RNF180: variants seen among roughly 807,000 people sequenced by gnomAD.
RNF180 encodes the protein ring finger protein 180.
A neutral mutation model predicts 59.2 loss-of-function variants in RNF180; 38 were observed. The ratio of observed to expected loss-of-function variants is 0.64; its 90% CI spans 0.50 to 0.84. RNF180 has a LOEUF of 0.84. RNF180 is among the 40% of genes least tolerant of loss of function. The pLI is 0.00. For missense variants in RNF180, 705 were observed against 700.9 expected, an observed-to-expected ratio of 1.01 and a Z score of -0.07; for synonymous variants, 262 against 240.3, an observed-to-expected ratio of 1.09 and a Z score of -0.84.
chr5:64,314,477 GTGC>G (rs1408290826), intron 5 of RNF180, among the ~76,000 whole-genome samples: 1 of 152,026 alleles, frequency 6.6e-6, no homozygotes, highest in Non-Finnish European at 1.5e-5. Context: ...TAGATGTCTA[GTGC>G]TCAAATCTTT....
At chr5:64,187,750 A>G (rs1054198217) in intron 1 of RNF180, among the ~76,000 whole-genome samples, 5 of 152,216 alleles carry the variant, frequency 3.3e-5, no homozygotes, top group African/African-American at 1.2e-4. Flanking sequence ...TAATACAGGT[A>G]CTTGAAATAT....
intron 5 of RNF180, among the ~76,000 whole-genome samples, chr5:64,283,176 G>C (rs1022145522): frequency 6.6e-6 from 1 of 152,168 alleles, no homozygotes; most frequent in Non-Finnish European, 1.5e-5. Context: ...GAATCTGGGT[G>C]CTCCAGTATT....
chr5:64,365,084 A>G (rs576997515), intron 7 of RNF180, among the ~76,000 whole-genome samples: 1 of 149,256 alleles, frequency 6.7e-6, no homozygotes, highest in African/African-American at 2.4e-5. Flanking sequence ...GATATTGATT[A>G]TTTCTTGTCT....
chr5:64,216,558 A>G (rs1460643290), intron 4 of RNF180, among the ~76,000 whole-genome samples: 1 of 152,226 alleles, frequency 6.6e-6, no homozygotes, highest in African/African-American at 2.4e-5. Flanking sequence ...TGGATTTCCA[A>G]CTTTCACTTG....
chr5:64,318,199 TAAC>T (rs1744165013), intron 5 of RNF180, among the ~76,000 whole-genome samples: 1 of 152,164 alleles, frequency 6.6e-6, no homozygotes, highest in African/African-American at 2.4e-5. Flanking sequence ...AGTAAGAGAT[TAAC>T]AATAAAAAAT....
chr5:64,316,966 T>C (rs758214364), intron 5 of RNF180, among the ~76,000 whole-genome samples: 10 of 152,168 alleles, frequency 6.6e-5, no homozygotes, highest in African/African-American at 9.7e-5. Context: ...GACCCAGATA[T>C]ATGAAAAGTC....
At chr5:64,321,760 AACTAT>A (rs1212681685) in intron 5 of RNF180, among the ~76,000 whole-genome samples, 3 of 152,242 alleles carry the variant, frequency 2.0e-5, no homozygotes, top group East Asian at 1.9e-4. Flanking sequence ...CTTGACTTCA[AACTAT>A]ACTACAAGGC....
chr5:64,188,457 T>TA (rs923175750), intron 1 of RNF180, among the ~76,000 whole-genome samples: 159 of 152,174 alleles, frequency 1.0e-3, no homozygotes, highest in African/African-American at 3.7e-3. Context: ...ATGGATAGTT[T>TA]AAAAAAAATT....
intron 7 of RNF180, among the ~76,000 whole-genome samples, chr5:64,345,883 C>T (rs1745533633): frequency 6.6e-6 from 1 of 151,988 alleles, no homozygotes; most frequent in African/African-American, 2.4e-5. Flanking sequence ...AATTTTTGTT[C>T]TGATTTTTTA....
chr5:64,181,820 A>T (rs926555560), intron 1 of RNF180, among the ~76,000 whole-genome samples: 3 of 152,168 alleles, frequency 2.0e-5, no homozygotes, highest in Admixed American at 2.0e-4. Context: ...AATTTCAGTA[A>T]TTGATAGTGT....
intron 7 of RNF180, among the ~76,000 whole-genome samples, chr5:64,363,255 T>G (rs1746324637): frequency 6.6e-6 from 1 of 151,870 alleles, no homozygotes; most frequent in African/African-American, 2.4e-5. Context: ...TTAACCCATT[T>G]GAATTGATTT....
At chr5:64,260,704 A>G (rs1744285372) in intron 5 of RNF180, among the ~76,000 whole-genome samples, 1 of 152,174 alleles carries the variant, frequency 6.6e-6, no homozygotes, top group African/African-American at 2.4e-5. Flanking sequence ...GGGTTGAACC[A>G]TGGTTCTACA....
chr5:64,207,591 CTT>C (rs1752081810), intron 2 of RNF180, among the ~76,000 whole-genome samples: 1 of 152,114 alleles, frequency 6.6e-6, no homozygotes, highest in African/African-American at 2.4e-5. Context: ...AGTAACATGA[CTT>C]TTGAATTTTA....
At chr5:64,197,149 C>G (rs996891205) in intron 1 of RNF180, among the ~76,000 whole-genome samples, 2 of 152,126 alleles carry the variant, frequency 1.3e-5, no homozygotes, top group Admixed American at 6.5e-5. Context: ...AATGCAACTT[C>G]GTTATGGAGG....
At chr5:64,340,011 T>G (rs952184561) in intron 7 of RNF180, among the ~76,000 whole-genome samples, 3 of 152,176 alleles carry the variant, frequency 2.0e-5, no homozygotes, top group Non-Finnish European at 4.4e-5. Context: ...CAATTGTAAT[T>G]CCTTTCCCTG....
chr5:64,210,567 G>A (rs1429705862), intron 2 of RNF180, among the ~76,000 whole-genome samples: 2 of 152,126 alleles, frequency 1.3e-5, no homozygotes, highest in Non-Finnish European at 2.9e-5. Context: ...TTGCTTGCTG[G>A]TGAACAGTGG....
chr5:64,292,101 T>C (rs1742623222), intron 5 of RNF180, among the ~76,000 whole-genome samples: 1 of 152,170 alleles, frequency 6.6e-6, no homozygotes, highest in Admixed American at 6.5e-5. Context: ...GCAAAGTTCA[T>C]TATTATCACC....
rs1389867 is a variant in RNF180, at chr5:64,168,120, A to G, written c.-1+2167A>G. 1.9e-3 allele frequency among the ~76,000 whole-genome samples: 296 copies of G among 152,300 alleles called. 8 individuals carry two copies. In the East Asian group the frequency reaches 0.045, roughly 23 times the overall value. ...TTATTTTGTATTTTTTGAAATTTCT[A>G]GTCAATTTACAAGCAAAATAAAAAC... On this transcript the variant is annotated intron_variant, in intron 1 of 7. Transcript: ENST00000389100.
intron 5 of RNF180, among the ~76,000 whole-genome samples, chr5:64,280,822 C>T (rs918188000): frequency 1.3e-5 from 2 of 152,058 alleles, no homozygotes; most frequent in African/African-American, 4.8e-5. Context: ...ATAGTTTTTC[C>T]TAATTCTGTG....
Sources: gnomAD v4.1 joint callset for allele counts (sites outside exome capture counted in the v4.1 genomes callset) on GRCh38, gnomAD v4.1.1 for gene constraint, MANE v1.5 for transcripts, NCBI Gene and HGNC (gene_info 2026-07-23, HGNC 2026-07-21) for gene names.